ASB2: variants seen among roughly 807,000 people sequenced by gnomAD.
ASB2 encodes ankyrin repeat and SOCS box protein 2.
ASB2 carries 58 observed loss-of-function variants against 62.4 expected under a neutral mutation model. The ratio of observed to expected loss-of-function variants is 0.93; its 90% CI spans 0.75 to 1.16. The LOEUF (loss-of-function observed/expected upper bound fraction) is 1.16. Ranked by LOEUF, ASB2 falls within the 50% of genes most tolerant of loss-of-function variation. The pLI, the probability that ASB2 is intolerant of heterozygous loss-of-function variation, is 0.00. For synonymous variants in ASB2, 386 were observed against 385.3 expected (o/e 1.00, Z -0.02); for missense variants, 928 against 887.9 (o/e 1.05, Z -0.57).
intron 7 of ASB2, chr14:93,944,117 G>A (rs1888633053): frequency 9.8e-6 from 4 of 408,470 alleles, no homozygotes; most frequent in Non-Finnish European, 2.0e-5. Flanking sequence ...CCTCAGCCAC[G>A]GCCCAGACCA....
At chr14:93,971,448 A>G (rs73342079) in intron 1 of ASB2, among the ~76,000 whole-genome samples, 4,827 of 152,346 alleles carry the variant, frequency 0.032, 262 homozygotes, top group African/African-American at 0.11. Flanking sequence ...GTGACTGCCA[A>G]CAAATGACAA....
chr14:93,938,225 A>C (rs541458232), intron 8 of ASB2, among the ~76,000 whole-genome samples: 1 of 141,984 alleles, frequency 7.0e-6, no homozygotes, highest in Non-Finnish European at 1.5e-5. Flanking sequence ...CTTCCTTTTA[A>C]GTTCTGACTT....
At chr14:93,957,704 CCT>C (rs1889276071) in intron 2 of ASB2, among the ~76,000 whole-genome samples, 1 of 152,154 alleles carries the variant, frequency 6.6e-6, no homozygotes, top group Non-Finnish European at 1.5e-5. Flanking sequence ...CATCATTTTG[CCT>C]CTCTAGGCCT....
At chr14:93,975,989 T>C (rs1272397591) in intron 1 of ASB2, among the ~76,000 whole-genome samples, 3 of 152,186 alleles carry the variant, frequency 2.0e-5, no homozygotes, top group Non-Finnish European at 4.4e-5. Context: ...TCTCCCACAA[T>C]ACCGTGCATG....
chr14:93,954,951 G>C (rs1360809529), intron 3 of ASB2, among the ~76,000 whole-genome samples: 1 of 152,136 alleles, frequency 6.6e-6, no homozygotes, highest in Non-Finnish European at 1.5e-5. Context: ...ATATATACTG[G>C]AAGGATTAAT....
At chr14:93,937,975 A>G (rs1232139289) in intron 8 of ASB2, 124 bp from the exon 9 acceptor site, 2 of 1,024,558 alleles carry the variant, frequency 2.0e-6, no homozygotes, top group Non-Finnish European at 2.8e-6. Flanking sequence ...GATCCCCTGA[A>G]CCATGTCCCC....
chr14:93,952,784 A>T (rs758318000), intron 5 of ASB2, among the ~76,000 whole-genome samples: 6 of 152,226 alleles, frequency 3.9e-5, no homozygotes, highest in Non-Finnish European at 8.8e-5. Context: ...CACATACTAA[A>T]CACTCAATCA....
intron 7 of ASB2, among the ~76,000 whole-genome samples, chr14:93,945,206 G>A (rs538983582): frequency 7.9e-5 from 12 of 152,366 alleles, no homozygotes; most frequent in African/African-American, 2.9e-4. Context: ...CAGTGGGCCA[G>A]GAGATTTCCA....
At chr14:93,969,284 G>A (rs1889687066) in intron 1 of ASB2, among the ~76,000 whole-genome samples, 1 of 152,218 alleles carries the variant, frequency 6.6e-6, no homozygotes, top group Admixed American at 6.5e-5. Flanking sequence ...TCTCCTGGGG[G>A]ACAGGTGGTG....
chr14:93,953,377 T>C lies in ASB2; in HGVS notation c.609A>G (p.Lys203=). Residue 203 remains lysine (K), a synonymous_variant, in exon 5 of 10, where the codon AAA becomes AAG. Coordinates refer to ENST00000555019, the MANE Select transcript of ASB2 (RefSeq NM_001202429.2). ...CTTTGTAGAGCGGTGTCTCTCGGGATTTGTTGGAGATGTCCGGCTCTGCCC... is the reference window on the plus strand; with the variant it reads ...CTTTGTAGAGCGGTGTCTCTCGGGACTTGTTGGAGATGTCCGGCTCTGCCC... The part of the protein sequence containing the change: ...QAGAEPDISN[K]SRETPLYKAC... 6.3e-7 allele frequency: 1 copy of C among 1,590,950 alleles called. No homozygotes were observed. The highest frequency in any genetic ancestry group is 8.6e-7 in the Non-Finnish European group (1 of 1,161,620).
chr14:93,956,987 A>G, intron 2 of ASB2, 117 bp from the exon 3 acceptor site: 1 of 1,564,796 alleles, frequency 6.4e-7, no homozygotes. Flanking sequence ...TGACTGACAG[A>G]CACAGGGCTC....
intron 2 of ASB2, among the ~76,000 whole-genome samples, chr14:93,964,054 A>C (rs1166937126): frequency 6.6e-6 from 1 of 152,210 alleles, no homozygotes; most frequent in East Asian, 1.9e-4. Context: ...CCTCTTTTTC[A>C]GCCCTGAGCT....
intron 2 of ASB2, chr14:93,957,326 G>A (rs777409065): frequency 9.5e-7 from 1 of 1,047,686 alleles, no homozygotes; most frequent in Non-Finnish European, 1.2e-6. Context: ...GGGGAGCAAA[G>A]CTGAGAAGCC....
intron 2 of ASB2, 80 bp from the exon 3 acceptor site, chr14:93,956,950 AG>A: frequency 6.3e-7 from 1 of 1,596,814 alleles, no homozygotes; most frequent in South Asian, 1.1e-5. Flanking sequence ...GGCAGGAATG[AG>A]GATGGAGGGA....
intron 2 of ASB2, among the ~76,000 whole-genome samples, chr14:93,963,620 A>G (rs1279092229): frequency 2.0e-5 from 3 of 152,202 alleles, no homozygotes; most frequent in Non-Finnish European, 2.9e-5. Context: ...AGTGTAAAAT[A>G]CACACTGGAT....
chr14:93,937,800 T>C lies in ASB2; in HGVS notation c.1669A>G (p.Ile557Val), dbSNP rs553513775. 6.2e-7 allele frequency: 1 copy of C among 1,611,670 alleles called. No individual in the cohort carries two copies. Among genetic ancestry groups the C allele is most frequent in the East Asian group, 2.2e-5 (1 of 44,794 alleles). The change falls in exon 9 of 10, where the codon ATC becomes GTC. Residue 557 changes from isoleucine to valine, a missense_variant. Ile to Val is a conservative substitution (Grantham distance 29). Coordinates refer to ENST00000555019, the MANE Select transcript of ASB2 (RefSeq NM_001202429.2). ...CCCACGTAGTCCAGGAGGACATCGATGATGGGCCCCGCCCAGCGGCTCACC... is the reference window on the plus strand; with the variant it reads ...CCCACGTAGTCCAGGAGGACATCGACGATGGGCCCCGCCCAGCGGCTCACC... ...PEVSRWAGPIIDVLLDYVGNV... is the reference protein window; with the variant it reads ...PEVSRWAGPIVDVLLDYVGNV...
At chr14:93,953,189 G>A (rs998115349) in intron 5 of ASB2, among the ~76,000 whole-genome samples, 163 bp downstream of exon 5, 1 of 152,240 alleles carries the variant, frequency 6.6e-6, no homozygotes, top group African/African-American at 2.4e-5. Flanking sequence ...GTTGGAAAAT[G>A]TTGGTAAAAT....
chr14:93,956,742 T>G, intron 3 of ASB2, 24 bp downstream of exon 3: 1 of 1,613,838 alleles, frequency 6.2e-7, no homozygotes, highest in Non-Finnish European at 8.5e-7. Context: ...TGGATGGTCC[T>G]GGGGCCAGAC....
chr14:93,954,405 A>T lies in ASB2; in HGVS notation c.390T>A (p.Asn130Lys). 6.2e-7 allele frequency: 1 copy of T among 1,614,074 alleles called. No homozygotes were observed. The highest frequency in any genetic ancestry group is 1.1e-5 in the South Asian group (1 of 91,072). Residue 130 changes from asparagine to lysine, a missense_variant, in exon 4 of 10, where the codon AAT becomes AAA. Transcript: ENST00000555019. ...AGCCCTCCTTGTTGGGCTCTGCGAG[A>T]TTCTTCCCTTCCTTGATCATGGTCT... ...ALKTMIKEGK[N>K]LAEPNKEGWL...
Sources: allele counts gnomAD v4.1 joint callset (sites outside exome capture counted in the v4.1 genomes callset), GRCh38; gene constraint gnomAD v4.1.1; transcripts MANE v1.5; gene names NCBI Gene and HGNC (gene_info 2026-07-23, HGNC 2026-07-21).